The following ARL6IP6 variants were observed in gnomAD, a reference collection of about 807,000 sequenced individuals.
ARL6IP6 encodes ARF like GTPase 6 interacting protein 6, also known as ADP-ribosylation factor-like protein 6-interacting protein 6.
In ARL6IP6, 22 loss-of-function variants were observed where a neutral mutation model predicts 21.5. The ratio of observed to expected loss-of-function variants is 1.02; its 90% CI spans 0.73 to 1.46. ARL6IP6 has a LOEUF of 1.46. Ranked by LOEUF, ARL6IP6 falls within the 40% of genes most tolerant of loss-of-function variation. ARL6IP6 has a pLI of 0.00. For synonymous variants in ARL6IP6, 164 were observed against 125.3 expected, an observed-to-expected ratio of 1.31 and a Z score of -2.06; for missense variants, 388 against 299.8, an observed-to-expected ratio of 1.29 and a Z score of -2.17.
chr2:152,738,512 A>C (rs1700652081), intron 3 of ARL6IP6, among the ~76,000 whole-genome samples: 1 of 152,122 alleles, frequency 6.6e-6, no homozygotes, highest in Admixed American at 6.5e-5. Context: ...CATCCTCTGA[A>C]ATCTAGGTGG....
In ARL6IP6 at chr2:152,718,645, G is replaced by A. The variant is rs114704441; in HGVS notation, c.21G>A (p.Gly7=). The A allele has an allele frequency of 1.3e-6, 2 of 1,545,652 alleles. No individual in the cohort carries two copies. Among genetic ancestry groups the A allele is most frequent in the South Asian group, 1.2e-5 (1 of 81,698 alleles). The change falls in exon 1 of 4, where the codon GGG becomes GGA. Residue 7 remains glycine, a synonymous_variant. Coordinates refer to ENST00000326446, the MANE Select transcript of ARL6IP6 (RefSeq NM_152522.7). The part of the protein sequence containing the change: MSFAES[G]WRSALRRRGP... ...GCGCCATGTCGTTTGCTGAGAGCGG[G>A]TGGCGGTCGGCTCTGCGGCGCCGCG...
chr2:152,721,048 A>T (rs9283494), intron 2 of ARL6IP6, among the ~76,000 whole-genome samples: 151,885 of 152,308 alleles, frequency 1, 75,733 homozygotes, highest in East Asian at 1. Context: ...GAACCGTGAT[A>T]GTTACACTGC....
intron 1 of ARL6IP6, chr2:152,720,327 G>T: frequency 8.4e-6 from 5 of 592,618 alleles, no homozygotes; most frequent in Non-Finnish European, 1.5e-5. Flanking sequence ...TCCTATGTAC[G>T]GTATATAGCT....
At chr2:152,719,482 T>C (rs947257139) in intron 1 of ARL6IP6, among the ~76,000 whole-genome samples, 4 of 152,222 alleles carry the variant, frequency 2.6e-5, no homozygotes, top group African/African-American at 9.6e-5. Context: ...ATAGTCCAAA[T>C]TTCTTCTTTT....
Position 152,719,214 on chromosome 2 carries a change from A to G in ARL6IP6, c.400+190A>G, listed in dbSNP as rs567963374. ...TTTTCTAAGTGGAGCGTCCTGATCC[A>G]TGATCAGGAGACGTATTTTTAAAAA... On this transcript the variant is annotated intron_variant, in intron 1 of 3. Coordinates refer to ENST00000326446, the MANE Select transcript of ARL6IP6 (RefSeq NM_152522.7). 3.0e-4 allele frequency among the ~76,000 whole-genome samples: 46 copies of G among 152,252 alleles called. 1 individual carries two copies. The South Asian group carries it at 7.1e-3, about 23-fold the overall frequency.
intron 3 of ARL6IP6, among the ~76,000 whole-genome samples, chr2:152,746,246 C>T (rs914510125): frequency 6.6e-6 from 1 of 151,966 alleles, no homozygotes; most frequent in Non-Finnish European, 1.5e-5. Context: ...TAGCTGGTCT[C>T]GAACTCCTGG....
At chr2:152,731,610 A>AT (rs1381965951) in intron 2 of ARL6IP6, among the ~76,000 whole-genome samples, 3 of 152,076 alleles carry the variant, frequency 2.0e-5, no homozygotes, top group Non-Finnish European at 4.4e-5. Flanking sequence ...ACCTGACTGA[A>AT]TTTTTTTATT....
intron 3 of ARL6IP6, among the ~76,000 whole-genome samples, chr2:152,742,740 T>A (rs1176811001): frequency 6.6e-6 from 1 of 152,082 alleles, no homozygotes; most frequent in Non-Finnish European, 1.5e-5. Flanking sequence ...ATTCTAGGAT[T>A]TCTAGGGATG....
intron 2 of ARL6IP6, among the ~76,000 whole-genome samples, chr2:152,725,845 T>C (rs924377105): frequency 6.6e-6 from 1 of 152,246 alleles, no homozygotes; most frequent in Non-Finnish European, 1.5e-5. Flanking sequence ...GGATTTGCTG[T>C]ATTTATTTCT....
At chr2:152,725,777 C>T (rs1473547173) in intron 2 of ARL6IP6, among the ~76,000 whole-genome samples, 4 of 152,158 alleles carry the variant, frequency 2.6e-5, no homozygotes, top group Non-Finnish European at 1.5e-5. Context: ...ATTATTTGCA[C>T]TCAGGTCGTG....
intron 2 of ARL6IP6, among the ~76,000 whole-genome samples, chr2:152,727,723 A>G (rs1700109536): frequency 6.6e-6 from 1 of 151,220 alleles, no homozygotes; most frequent in Non-Finnish European, 1.5e-5. Context: ...AACATGCCGC[A>G]CAGGTCTGTA....
chr2:152,741,956 A>G (rs893614695), intron 3 of ARL6IP6, among the ~76,000 whole-genome samples: 1 of 152,206 alleles, frequency 6.6e-6, no homozygotes, highest in Non-Finnish European at 1.5e-5. Context: ...GTGTTAAAGA[A>G]CAAGAGGCAG....
intron 3 of ARL6IP6, among the ~76,000 whole-genome samples, chr2:152,741,185 A>G (rs1700791921): frequency 6.6e-6 from 1 of 152,116 alleles, no homozygotes; most frequent in Non-Finnish European, 1.5e-5. Context: ...TTCTTTATTG[A>G]AAATTCCAAA....
Position 152,759,870 on chromosome 2 carries a change from AC to A in ARL6IP6, c.*31del. The A allele has an allele frequency of 1.3e-6, 2 of 1,554,948 alleles. No homozygotes were observed. Among genetic ancestry groups the A allele is most frequent in the Non-Finnish European group, 1.8e-6 (2 of 1,126,944 alleles). ...ACACTGGAGCGATATTGTTGGCAAA[AC>A]TTAATCATGATTGTTTTGTAATAAC... On this transcript the variant is annotated 3_prime_UTR_variant, in exon 4 of 4. Transcript: ENST00000326446.
At chr2:152,758,879 G>A (rs1374443352) in intron 3 of ARL6IP6, among the ~76,000 whole-genome samples, 1 of 152,118 alleles carries the variant, frequency 6.6e-6, no homozygotes, top group African/African-American at 2.4e-5. Context: ...TCAGTCCAGG[G>A]CCCTTACTGC....
rs898221819 is a variant in ARL6IP6 at position 152,762,004 on chromosome 2, T to A, written c.*2164T>A. On this transcript the variant is annotated 3_prime_UTR_variant, in exon 4 of 4. Coordinates refer to ENST00000326446, the MANE Select transcript of ARL6IP6 (RefSeq NM_152522.7). Reference sequence around the variant, plus strand: ...TCTTCTGGACTGTTACTCCCCTTTTTTGGGAAATGACCCTCCTCTCTCCAG... The same window carrying A: ...TCTTCTGGACTGTTACTCCCCTTTTATGGGAAATGACCCTCCTCTCTCCAG... 1.3e-5 allele frequency among the ~76,000 whole-genome samples: 2 copies of A among 152,152 alleles called. No homozygotes were observed. The highest frequency in any genetic ancestry group is 4.8e-5 in the African/African-American group (2 of 41,432).
intron 3 of ARL6IP6, among the ~76,000 whole-genome samples, chr2:152,757,766 G>A (rs979097798): frequency 2.0e-5 from 3 of 152,166 alleles, no homozygotes; most frequent in African/African-American, 4.8e-5. Context: ...TGGGAATATG[G>A]TACATTTGAG....
rs761631430 is a variant in ARL6IP6 at position 152,718,835 on chromosome 2, T to A, written c.211T>A (p.Ser71Thr). Residue 71 changes from serine (S) to threonine (T), a missense_variant, in exon 1 of 4, where the codon TCG becomes ACG. Coordinates refer to ENST00000326446, the MANE Select transcript of ARL6IP6 (RefSeq NM_152522.7). ...AGAWSEPRKRSVLPPDGNGSP... is the reference protein window; with the variant it reads ...AGAWSEPRKRTVLPPDGNGSP... ...GGCGTGGTCAGAGCCCAGAAAGCGC[T>A]CGGTGCTCCCGCCGGACGGGAACGG... 1.1e-5 allele frequency: 17 copies of A among 1,611,008 alleles called. No homozygotes were observed. Among genetic ancestry groups the A allele is most frequent in the Non-Finnish European group, 9.3e-6 (11 of 1,178,448 alleles).
chr2:152,740,997 G>A (rs1160086760), intron 3 of ARL6IP6, among the ~76,000 whole-genome samples: 1 of 152,100 alleles, frequency 6.6e-6, no homozygotes, highest in Non-Finnish European at 1.5e-5. Flanking sequence ...TCCACATTTT[G>A]AGAAAGTTGA....
Sources: gnomAD v4.1 joint callset for allele counts (sites outside exome capture counted in the v4.1 genomes callset) on GRCh38, gnomAD v4.1.1 for gene constraint, MANE v1.5 for transcripts, NCBI Gene and HGNC (gene_info 2026-07-23, HGNC 2026-07-21) for gene names.